Variants in GPR149 observed in about 807,000 individuals in gnomAD.
GPR149 encodes the protein probable G protein-coupled receptor 149.
In GPR149, 50 loss-of-function variants were observed where a neutral mutation model predicts 50.2. That is an observed-to-expected ratio of 1.00 (90% CI 0.79 to 1.26). The LOEUF (loss-of-function observed/expected upper bound fraction) is 1.26, where lower values mean the gene tolerates loss of function less well. Among genes scored for constraint, GPR149 ranks in the 50% most tolerant of loss-of-function variants. The probability of loss-of-function intolerance (pLI) is 0.00; values close to 1 mark genes in which losing one functional copy is unlikely to be tolerated. For synonymous variants in GPR149, 405 were observed against 358.2 expected, an observed-to-expected ratio of 1.13 and a Z score of -1.48; for missense variants, 983 against 895.4, an observed-to-expected ratio of 1.10 and a Z score of -1.25.
intron 3 of GPR149, among the ~76,000 whole-genome samples, chr3:154,387,707 C>A (rs967756046): frequency 6.6e-6 from 1 of 152,144 alleles, no homozygotes; most frequent in Non-Finnish European, 1.5e-5. Context: ...AATGAGATCA[C>A]ATCTAAAGAA....
chr3:154,426,509 A>G (rs1349714333), intron 2 of GPR149, among the ~76,000 whole-genome samples: 1 of 152,226 alleles, frequency 6.6e-6, no homozygotes, highest in Admixed American at 6.5e-5. Context: ...AGCAAAGGAC[A>G]ATTAATAGGA....
rs1036702036 is a variant in GPR149, at chr3:154,352,857, T to C, written c.1624-14586A>G. 1.4e-5 allele frequency: 13 copies of C among 936,240 alleles called. No individual in the cohort carries two copies. The East Asian group carries it at 1.9e-4, about 14-fold the overall frequency. The allele number at this position is 936,240 out of a possible 1,614,324, so 58.0% of individuals were successfully genotyped here. On this transcript the variant is annotated intron_variant, in intron 3 of 3. Transcript: ENST00000389740. ...CATATCTTAGTTGACCTCTTTCTCT[T>C]GGTTGATAAAAACATATACAAATCC...
At chr3:154,360,461 C>T (rs1714352325) in intron 3 of GPR149, among the ~76,000 whole-genome samples, 1 of 152,042 alleles carries the variant, frequency 6.6e-6, no homozygotes, top group African/African-American at 2.4e-5. Context: ...TAAGAATGTC[C>T]TTGATGAAGG....
At chr3:154,354,263 T>C (rs1489266198) in intron 3 of GPR149, 1 of 416,892 alleles carries the variant, frequency 2.4e-6, no homozygotes, top group Admixed American at 3.5e-5. Flanking sequence ...TGTAATGTGT[T>C]TTCAGCTTAT....
chr3:154,360,510 T>G (rs1320940296), intron 3 of GPR149, among the ~76,000 whole-genome samples: 1 of 152,186 alleles, frequency 6.6e-6, no homozygotes, highest in Non-Finnish European at 1.5e-5. Flanking sequence ...GATGAGAACA[T>G]TGAGATGCAC....
At chr3:154,353,493 A>G (rs1300402821) in intron 3 of GPR149, 9 of 899,358 alleles carry the variant, frequency 1.0e-5, no homozygotes, top group Non-Finnish European at 1.7e-5. Flanking sequence ...CAGTTTAGAA[A>G]GATCCAATCA....
At chr3:154,407,486 A>T (rs1490145370) in intron 3 of GPR149, among the ~76,000 whole-genome samples, 2 of 152,114 alleles carry the variant, frequency 1.3e-5, no homozygotes, top group Non-Finnish European at 2.9e-5. Flanking sequence ...GTATTTGTGG[A>T]TAAAAGCCTG....
intron 3 of GPR149, among the ~76,000 whole-genome samples, chr3:154,347,197 G>A (rs1382312127): frequency 2.6e-5 from 4 of 152,146 alleles, no homozygotes; most frequent in Non-Finnish European, 5.9e-5. Context: ...TTTACATGTT[G>A]TATTAGCTGG....
rs1713669378 is a variant in GPR149 at position 154,337,001 on chromosome 3, A to G, written c.*698T>C. 1 of 152,124 alleles carries G rather than the reference A, an allele frequency of 6.6e-6. No homozygotes were observed. Among genetic ancestry groups the G allele is most frequent in the African/African-American group, 2.4e-5 (1 of 41,460 alleles). The allele number at this position is 152,124 out of a possible 1,614,324, so 9.4% of individuals were successfully genotyped here. On this transcript the variant is annotated 3_prime_UTR_variant, in exon 4 of 4. Coordinates refer to ENST00000389740, the MANE Select transcript of GPR149 (RefSeq NM_001038705.3). The stretch of plus-strand genomic sequence containing the variant: ...TAAAGATACTTCTAATTCCACCTCT[A>G]ACACACAATATATTTGTTTTATGGG...
intron 3 of GPR149, among the ~76,000 whole-genome samples, chr3:154,402,891 G>C (rs922042277): frequency 6.6e-6 from 1 of 152,158 alleles, no homozygotes; most frequent in African/African-American, 2.4e-5. Context: ...GCAGATGAAA[G>C]AAATGCATTT....
At chr3:154,350,450 G>T (rs1240604766) in intron 3 of GPR149, among the ~76,000 whole-genome samples, 2 of 152,090 alleles carry the variant, frequency 1.3e-5, no homozygotes, top group Admixed American at 1.3e-4. Context: ...ATTTACAATT[G>T]CTAAAAAGGT....
At chr3:154,388,704 C>T (rs2108410894) in intron 3 of GPR149, among the ~76,000 whole-genome samples, 1 of 152,266 alleles carries the variant, frequency 6.6e-6, no homozygotes, top group East Asian at 1.9e-4. Context: ...CCACCTGACT[C>T]TATTGCCCTT....
intron 2 of GPR149, among the ~76,000 whole-genome samples, chr3:154,423,989 A>T (rs1327178270): frequency 6.6e-6 from 1 of 151,782 alleles, no homozygotes; most frequent in Admixed American, 6.6e-5. Context: ...CTATGCTTTA[A>T]TTATTAACAA....
At chr3:154,407,492 G>A (rs531138180) in intron 3 of GPR149, among the ~76,000 whole-genome samples, 62 of 152,098 alleles carry the variant, frequency 4.1e-4, no homozygotes, top group South Asian at 1.7e-3. Flanking sequence ...GTGGATAAAA[G>A]CCTGTTTTTT....
intron 3 of GPR149, among the ~76,000 whole-genome samples, chr3:154,387,321 C>A (rs1715066207): frequency 6.6e-6 from 1 of 152,172 alleles, no homozygotes; most frequent in South Asian, 2.1e-4. Flanking sequence ...GAGGTACTGT[C>A]ATTATCTGTG....
intron 3 of GPR149, among the ~76,000 whole-genome samples, chr3:154,348,927 T>G (rs1269508488): frequency 1.3e-5 from 2 of 152,110 alleles, no homozygotes; most frequent in Non-Finnish European, 2.9e-5. Flanking sequence ...TTAAACAGTA[T>G]GTTCTCTGAC....
chr3:154,416,404 A>C (rs192608777), intron 3 of GPR149, among the ~76,000 whole-genome samples: 6 of 151,954 alleles, frequency 3.9e-5, no homozygotes, highest in Non-Finnish European at 5.9e-5. Flanking sequence ...ATCCCATCTC[A>C]TACCTAATCA....
At chr3:154,386,706 T>C (rs701116) in intron 3 of GPR149, among the ~76,000 whole-genome samples, 138,414 of 152,242 alleles carry the variant, frequency 0.91, 63,222 homozygotes, top group Middle Eastern at 0.99. Context: ...AAAGACATGC[T>C]GAAGAAAACA....
At chr3:154,353,963 T>C (rs540176394) in intron 3 of GPR149, 5 of 486,836 alleles carry the variant, frequency 1.0e-5, no homozygotes, top group African/African-American at 4.0e-5. Context: ...CTCTAGTTTA[T>C]TATCACTTGA....
Sources: allele counts gnomAD v4.1 joint callset (sites outside exome capture counted in the v4.1 genomes callset), GRCh38; gene constraint gnomAD v4.1.1; transcripts MANE v1.5; gene names NCBI Gene and HGNC (gene_info 2026-07-23, HGNC 2026-07-21).